Variants in KCTD8 observed in about 807,000 individuals in gnomAD.
The protein encoded by KCTD8 is BTB/POZ domain-containing protein KCTD8.
KCTD8 carries 27 observed loss-of-function variants against 31.5 expected under a neutral mutation model. The observed-to-expected ratio is 0.86, with a 90% confidence interval of 0.63 to 1.18. The LOEUF (loss-of-function observed/expected upper bound fraction) is 1.18, where lower values mean the gene tolerates loss of function less well. Among genes scored for constraint, KCTD8 ranks in the 50% most tolerant of loss-of-function variants. KCTD8 has a pLI of 0.00. For missense variants in KCTD8, 658 were observed against 647.7 expected, an observed-to-expected ratio of 1.02 and a Z score of -0.17; for synonymous variants, 290 against 280.0, an observed-to-expected ratio of 1.04 and a Z score of -0.36.
chr4:44,426,735 G>A (rs920508984), intron 1 of KCTD8, among the ~76,000 whole-genome samples: 2 of 151,740 alleles, frequency 1.3e-5, no homozygotes, highest in East Asian at 3.9e-4. Flanking sequence ...TTCCCTAGCC[G>A]TATTGATTTT....
At chr4:44,228,421 T>C (rs571384086) in intron 1 of KCTD8, among the ~76,000 whole-genome samples, 2 of 152,224 alleles carry the variant, frequency 1.3e-5, no homozygotes, top group Non-Finnish European at 2.9e-5. Flanking sequence ...AAGACAGTCA[T>C]ATTCTGAGGT....
intron 1 of KCTD8, among the ~76,000 whole-genome samples, chr4:44,408,578 G>T (rs966091584): frequency 9.2e-5 from 14 of 152,082 alleles, no homozygotes; most frequent in Non-Finnish European, 1.8e-4. Flanking sequence ...AATTCAAAAG[G>T]TCCTGAATAG....
intron 1 of KCTD8, among the ~76,000 whole-genome samples, chr4:44,407,743 G>A (rs1027300561): frequency 2.0e-5 from 3 of 152,066 alleles, no homozygotes; most frequent in Non-Finnish European, 4.4e-5. Flanking sequence ...CCTGGTTCAA[G>A]TCCTTAAATA....
At chr4:44,267,766 C>T (rs1055088898) in intron 1 of KCTD8, among the ~76,000 whole-genome samples, 6 of 152,184 alleles carry the variant, frequency 3.9e-5, no homozygotes, top group Admixed American at 6.5e-5. Flanking sequence ...CTACAAACAC[C>T]TCTACGCAAA....
rs567551159 is a variant in KCTD8, at chr4:44,424,613, T to C, written c.961+22950A>G. On this transcript the variant is annotated intron_variant, in intron 1 of 1. Transcript: ENST00000360029. ...TCAGGTGTGTCCACAAAAAGTAAGT[T>C]TGGCAATTGTTTCAGACTTTAGCCC... is the stretch of plus-strand genomic sequence containing the variant. 2.0e-5 allele frequency among the ~76,000 whole-genome samples: 3 copies of C among 152,134 alleles called. No individual in the cohort carries two copies. The East Asian group carries it at 5.8e-4, about 30-fold the overall frequency.
intron 1 of KCTD8, among the ~76,000 whole-genome samples, chr4:44,387,831 C>A (rs1720262594): frequency 6.6e-6 from 1 of 151,784 alleles, no homozygotes; most frequent in African/African-American, 2.4e-5. Context: ...ATGAAGATGC[C>A]AAAAGCAATT....
chr4:44,193,081 C>G (rs900030230), intron 1 of KCTD8, among the ~76,000 whole-genome samples: 11 of 151,906 alleles, frequency 7.2e-5, no homozygotes, highest in Non-Finnish European at 1.5e-5. Context: ...TCTAGAGAAC[C>G]CTGACTAATA....
intron 1 of KCTD8, among the ~76,000 whole-genome samples, chr4:44,176,582 A>G (rs1713221795): frequency 6.6e-6 from 1 of 152,176 alleles, no homozygotes; most frequent in African/African-American, 2.4e-5. Context: ...GCTGGTTTCT[A>G]TCACCATTTT....
intron 1 of KCTD8, among the ~76,000 whole-genome samples, chr4:44,272,336 A>C (rs1716637480): frequency 6.6e-6 from 1 of 151,806 alleles, no homozygotes; most frequent in South Asian, 2.1e-4. Context: ...TAAGCAAAAA[A>C]ATTTTTTTAA....
intron 1 of KCTD8, among the ~76,000 whole-genome samples, chr4:44,407,157 C>G (rs6811096): frequency 0.021 from 3,223 of 152,156 alleles, 74 homozygotes; most frequent in African/African-American, 0.049. Context: ...CATGATTCTT[C>G]CAATTATTTA....
At chr4:44,374,971 C>CA (rs1719883557) in intron 1 of KCTD8, among the ~76,000 whole-genome samples, 1 of 152,046 alleles carries the variant, frequency 6.6e-6, no homozygotes, top group Non-Finnish European at 1.5e-5. Flanking sequence ...ACAAGGTTGT[C>CA]ACAAAACTTC....
chr4:44,247,020 G>A (rs1243744148), intron 1 of KCTD8, among the ~76,000 whole-genome samples: 2 of 151,962 alleles, frequency 1.3e-5, no homozygotes, highest in Admixed American at 6.6e-5. Context: ...AGTATTATTT[G>A]TAGAGTTATC....
At chr4:44,375,712 G>C (rs1439502089) in intron 1 of KCTD8, among the ~76,000 whole-genome samples, 1 of 152,150 alleles carries the variant, frequency 6.6e-6, no homozygotes, top group East Asian at 1.9e-4. Context: ...CTGGTGCACA[G>C]AACCAGGTGG....
chr4:44,419,657 C>T (rs867770979), intron 1 of KCTD8, among the ~76,000 whole-genome samples: 12 of 151,708 alleles, frequency 7.9e-5, no homozygotes, highest in Middle Eastern at 3.2e-3. Flanking sequence ...ACAATGAGAA[C>T]GCTTGGACAC....
In KCTD8 at chr4:44,448,068, C is replaced by T. The variant is rs1170662787; in HGVS notation, c.456G>A (p.Lys152=). The change falls in exon 1 of 2, where the codon AAG becomes AAA. Residue 152 remains lysine (K), a synonymous_variant. Transcript: ENST00000360029. The surrounding 1 kb of genome is among the most constrained non-coding windows in gnomAD (Gnocchi z 4.1). ...AGCCCTCGTCGTTGAGAGAGTTCTG[C>T]TTGGTGACCTTGGGCGACAGCAGCT... is the stretch of plus-strand genomic sequence containing the variant. ...LVKLLSPKVT[K]QNSLNDEGCQ... 4.3e-6 allele frequency: 7 copies of T among 1,612,342 alleles called. No homozygotes were observed. The highest frequency in any genetic ancestry group is 5.1e-6 in the Non-Finnish European group (6 of 1,179,778).
At chr4:44,412,207 C>A (rs559270307) in intron 1 of KCTD8, among the ~76,000 whole-genome samples, 1 of 152,244 alleles carries the variant, frequency 6.6e-6, no homozygotes, top group Admixed American at 6.5e-5. Context: ...GTAAATAATT[C>A]AACCACTCCC....
chr4:44,241,085 C>T (rs1295628720), intron 1 of KCTD8, among the ~76,000 whole-genome samples: 1 of 152,176 alleles, frequency 6.6e-6, no homozygotes, highest in African/African-American at 2.4e-5. Flanking sequence ...CACTGTCTGT[C>T]CTCATTTTTG....
chr4:44,292,683 G>C (rs1466943802), intron 1 of KCTD8, among the ~76,000 whole-genome samples: 1 of 151,824 alleles, frequency 6.6e-6, no homozygotes, highest in Non-Finnish European at 1.5e-5. Flanking sequence ...TTTTTTTCTT[G>C]AGTGACTAGT....
intron 1 of KCTD8, among the ~76,000 whole-genome samples, chr4:44,389,182 A>T (rs943915973): frequency 1.4e-4 from 21 of 151,804 alleles, no homozygotes; most frequent in Admixed American, 1.4e-3. Context: ...ACAAAAATAT[A>T]GTTAGATAGA....
Sources: allele counts gnomAD v4.1 joint callset (sites outside exome capture counted in the v4.1 genomes callset), GRCh38; gene constraint gnomAD v4.1.1; non-coding constraint Gnocchi (gnomAD v3.1); transcripts MANE v1.5; gene names NCBI Gene and HGNC (gene_info 2026-07-23, HGNC 2026-07-21).